The following ANKRD62 variants were observed in gnomAD, a reference collection of about 807,000 sequenced individuals.
ANKRD62 encodes ankyrin repeat domain 62.
In ANKRD62, 61 loss-of-function variants were observed where a neutral mutation model predicts 98.8. The observed-to-expected ratio is 0.62, with a 90% CI of 0.50 to 0.76. The LOEUF is 0.76. ANKRD62 is among the 30% of genes least tolerant of loss of function. ANKRD62 has a pLI of 0.00. For synonymous variants in ANKRD62, 341 were observed against 367.9 expected (o/e 0.93, Z 0.84); for missense variants, 933 against 1,082.9 (o/e 0.86, Z 1.94).
At chr18:12,096,627 A>G (rs79134282) in intron 4 of ANKRD62, among the ~76,000 whole-genome samples, 3,477 of 152,286 alleles carry the variant, frequency 0.023, 113 homozygotes, top group African/African-American at 0.072. Flanking sequence ...CTTTTAGTTT[A>G]CTTTGTGACT....
At chr18:12,168,130 T>C in the ANKRD62 span, among the ~76,000 whole-genome samples, 1 of 152,212 alleles carries the variant, frequency 6.6e-6, no homozygotes, top group African/African-American at 2.4e-5. Flanking sequence ...GAGAAGCTCT[T>C]TAGTTTAATT....
At chr18:12,122,214 G>A (rs1909796330) in intron 10 of ANKRD62, 89 bp from the exon 11 acceptor site, 1 of 938,972 alleles carries the variant, frequency 1.1e-6, no homozygotes, top group South Asian at 1.7e-5. Flanking sequence ...TTCAGTGTAT[G>A]AATGAGTGCC....
At chr18:12,115,994 A>G (rs1180122775) in intron 10 of ANKRD62, among the ~76,000 whole-genome samples, 3 of 152,172 alleles carry the variant, frequency 2.0e-5, no homozygotes, top group Non-Finnish European at 1.5e-5. Flanking sequence ...AAAGATGACA[A>G]TGCTCTAGCT....
chr18:12,103,396 A>C (rs1354848062), intron 7 of ANKRD62, among the ~76,000 whole-genome samples, 168 bp downstream of exon 7: 1 of 152,180 alleles, frequency 6.6e-6, no homozygotes, highest in Non-Finnish European at 1.5e-5. Flanking sequence ...AAGAATCTAC[A>C]GTGATTTTAC....
At chr18:12,125,215 T>C (rs1380698503) in intron 12 of ANKRD62, among the ~76,000 whole-genome samples, 1 of 152,140 alleles carries the variant, frequency 6.6e-6, no homozygotes, top group Non-Finnish European at 1.5e-5. Flanking sequence ...TCTTAAAGAA[T>C]TTCTAGTGGT....
At chr18:12,159,867 C>T in the ANKRD62 span, among the ~76,000 whole-genome samples, 1 of 152,158 alleles carries the variant, frequency 6.6e-6, no homozygotes, top group Non-Finnish European at 1.5e-5. Flanking sequence ...GAATAAAACA[C>T]TACATTTTTA....
At chr18:12,102,639 A>C in intron 6 of ANKRD62, 10 of 726,736 alleles carry the variant, frequency 1.4e-5, no homozygotes, top group Non-Finnish European at 1.7e-5. Context: ...AAGAGTTTAC[A>C]CAGCTGTTGA....
intron 7 of ANKRD62, 40 bp downstream of exon 7, chr18:12,103,268 G>A (rs767419813): frequency 1.6e-5 from 20 of 1,233,754 alleles, no homozygotes; most frequent in Non-Finnish European, 2.1e-5. Flanking sequence ...GTTTTCTTTG[G>A]TAATGTAGCA....
intron 8 of ANKRD62, among the ~76,000 whole-genome samples, chr18:12,109,983 G>T (rs148079248): frequency 6.7e-6 from 1 of 150,192 alleles, no homozygotes; most frequent in East Asian, 1.9e-4. Flanking sequence ...AGACAGACAG[G>T]TAGTAGGCTG....
chr18:12,172,337 C>T, the ANKRD62 span, among the ~76,000 whole-genome samples: 1 of 152,148 alleles, frequency 6.6e-6, no homozygotes, highest in South Asian at 2.1e-4. Flanking sequence ...GATGTCCTTT[C>T]TCTTTGTTGG....
At chr18:12,097,858 T>C in intron 5 of ANKRD62, 81 bp downstream of exon 5, 1 of 1,470,166 alleles carries the variant, frequency 6.8e-7, no homozygotes, top group South Asian at 1.4e-5. Flanking sequence ...TCAAGTGAGA[T>C]TTCATAGTTT....
intron 1 of ANKRD62, 79 bp from the exon 2 acceptor site, chr18:12,095,092 A>C: frequency 1.0e-6 from 1 of 986,072 alleles, no homozygotes; most frequent in Non-Finnish European, 1.5e-6. Context: ...ATACTATTGG[A>C]TGTTTACAAT....
chr18:12,112,110 TC>T (rs1436924985), intron 8 of ANKRD62, among the ~76,000 whole-genome samples: 33,329 of 81,604 alleles, frequency 0.41, 4,729 homozygotes, highest in Middle Eastern at 0.53. Flanking sequence ...AGACTCCAAC[TC>T]AAAAAAAAAA....
the ANKRD62 span, among the ~76,000 whole-genome samples, chr18:12,164,927 G>T: frequency 4.0e-5 from 6 of 151,856 alleles, no homozygotes; most frequent in African/African-American, 1.4e-4. Context: ...CTTTTTAGCT[G>T]TAATAATATT....
chr18:12,145,801 C>T, the ANKRD62 span, among the ~76,000 whole-genome samples: 2 of 151,376 alleles, frequency 1.3e-5, no homozygotes, highest in East Asian at 3.9e-4. Flanking sequence ...TAGTACAGCA[C>T]AGCAGAGCTG....
In ANKRD62 at chr18:12,095,282, C is replaced by T; in HGVS notation, c.330C>T (p.Ile110=). The T allele has an allele frequency of 6.5e-7, 1 of 1,540,102 alleles. No individual in the cohort carries two copies. The highest frequency in any genetic ancestry group is 1.4e-5 in the African/African-American group (1 of 73,124). Residue 110 remains isoleucine (I), a synonymous_variant, in exon 2 of 14, where the codon ATC becomes ATT. Coordinates refer to ENST00000587848, the MANE Select transcript of ANKRD62 (RefSeq NM_001277333.2). ...ACAGTGAAAACAGGACAGCTCTGATCAAGGTATATGGTAGCCAACTCTTTC... is the reference window on the plus strand; with the variant it reads ...ACAGTGAAAACAGGACAGCTCTGATTAAGGTATATGGTAGCCAACTCTTTC... ...LTDSENRTAL[I]KAVQCQEEVC...
chr18:12,096,405 T>A, intron 4 of ANKRD62, 103 bp downstream of exon 4: 1 of 649,556 alleles, frequency 1.5e-6, no homozygotes, highest in Non-Finnish European at 2.5e-6. Context: ...AACTTATTAT[T>A]ATTGGGATAG....
At position 12,125,802 on chromosome 18, in the gene ANKRD62, G is replaced by C; in HGVS notation, c.1981G>C (p.Ala661Pro). The C allele has an allele frequency of 1.3e-6, 2 of 1,549,434 alleles. No individual in the cohort carries two copies. The highest frequency in any genetic ancestry group is 8.7e-7 in the Non-Finnish European group (1 of 1,147,106). The stretch of plus-strand genomic sequence containing the variant: ...AATGGAATCATACCGTTGTAGACTG[G>C]CTGCTGCCCTATGTGATCATGATCA... ...TEMESYRCRLAAALCDHDQRQ... is the reference protein window; with the variant it reads ...TEMESYRCRLPAALCDHDQRQ... The change falls in exon 13 of 14, where the codon GCT becomes CCT. Residue 661 changes from alanine (A) to proline (P), a missense_variant. This residue lies in a region of ANKRD62 where 362 missense variants were observed against 434.5 expected (regional missense o/e 0.83). Coordinates refer to ENST00000587848, the MANE Select transcript of ANKRD62 (RefSeq NM_001277333.2).
chr18:12,121,922 T>C (rs1037186172), intron 10 of ANKRD62, among the ~76,000 whole-genome samples: 2 of 152,200 alleles, frequency 1.3e-5, no homozygotes, highest in Non-Finnish European at 2.9e-5. Context: ...AGCGCTTTGC[T>C]TCCTCCTTTG....
Sources: gnomAD v4.1 joint callset for allele counts (sites outside exome capture counted in the v4.1 genomes callset) on GRCh38, gnomAD v4.1.1 for gene constraint, gnomAD v4.1.1 regional missense constraint, MANE v1.5 for transcripts, NCBI Gene and HGNC (gene_info 2026-07-23, HGNC 2026-07-21) for gene names.